CNGA1: variants seen among roughly 807,000 people sequenced by gnomAD.
CNGA1 encodes cyclic nucleotide-gated channel alpha-1.
In CNGA1, 53 loss-of-function variants were observed where a neutral mutation model predicts 69.7. The ratio of observed to expected loss-of-function variants is 0.76; its 90% confidence interval spans 0.61 to 0.96. CNGA1 has a LOEUF of 0.96. Ranked by LOEUF, CNGA1 falls within the 40% of genes least tolerant of loss-of-function variation. CNGA1 has a pLI of 0.00. For synonymous variants in CNGA1, 249 were observed against 283.5 expected (o/e 0.88, Z 1.22); for missense variants, 739 against 811.2 (o/e 0.91, Z 1.08).
In CNGA1 at chr4:47,936,886, C is replaced by G. The variant is rs1272357102; in HGVS notation, c.1596G>C (p.Val532=). 6.2e-7 allele frequency: 1 copy of G among 1,613,950 alleles called. No individual in the cohort carries two copies. The highest frequency in any genetic ancestry group is 8.5e-7 in the Non-Finnish European group (1 of 1,180,040). ...CGAAGTAGCTGCCATCGCTCAATAC[C>G]ACAAACTGAGTGACTCCATCATCTG... ...VVADDGVTQF[V]VLSDGSYFGE... The change falls in exon 11 of 11, where the codon GTG becomes GTC. Residue 532 remains valine (V), a synonymous_variant. Coordinates refer to ENST00000514170, the MANE Select transcript of CNGA1 (RefSeq NM_001379270.1).
intron 2 of CNGA1, among the ~76,000 whole-genome samples, chr4:47,993,764 G>T (rs778424599): frequency 6.6e-6 from 1 of 151,896 alleles, no homozygotes; most frequent in Non-Finnish European, 1.5e-5. Flanking sequence ...GTTCCTTGAG[G>T]TGTGACCTTA....
intron 2 of CNGA1, among the ~76,000 whole-genome samples, chr4:47,997,702 C>T (rs1507913): frequency 0.82 from 123,961 of 152,074 alleles, 51,032 homozygotes; most frequent in Non-Finnish European, 0.88. Context: ...TGAGTCATTA[C>T]AGATTGTAGT....
chr4:47,973,703 TA>T (rs200095836), intron 3 of CNGA1, among the ~76,000 whole-genome samples: 61 of 145,030 alleles, frequency 4.2e-4, no homozygotes, highest in Admixed American at 4.9e-4. Flanking sequence ...TCGGGATGTG[TA>T]AAAAAAAAAA....
chr4:47,955,173 C>CTT (rs377338639), intron 3 of CNGA1, among the ~76,000 whole-genome samples: 15 of 98,196 alleles, frequency 1.5e-4, no homozygotes, highest in Non-Finnish European at 2.3e-4. Flanking sequence ...TTTTTCTTTT[C>CTT]TTTTTTTTTT....
intron 2 of CNGA1, among the ~76,000 whole-genome samples, chr4:48,005,681 C>A (rs1389276987): frequency 6.6e-6 from 1 of 152,124 alleles, no homozygotes; most frequent in Non-Finnish European, 1.5e-5. Flanking sequence ...TACCACAGGT[C>A]AGGAACCCTG....
At chr4:47,950,955 A>C (rs1739702501) in intron 5 of CNGA1, among the ~76,000 whole-genome samples, 1 of 152,206 alleles carries the variant, frequency 6.6e-6, no homozygotes, top group Non-Finnish European at 1.5e-5. Flanking sequence ...GAAACAAGAA[A>C]TCAGAAAGGA....
intron 6 of CNGA1, 59 bp from the exon 7 acceptor site, chr4:47,943,471 T>C: frequency 9.1e-7 from 1 of 1,095,808 alleles, no homozygotes; most frequent in Non-Finnish European, 1.3e-6. Flanking sequence ...TTATTTACTT[T>C]CTTTTTCATT....
At chr4:47,967,172 G>A (rs941458684) in intron 3 of CNGA1, among the ~76,000 whole-genome samples, 5 of 152,122 alleles carry the variant, frequency 3.3e-5, no homozygotes, top group Admixed American at 6.5e-5. Flanking sequence ...GCATGGTGGC[G>A]AGCACCTGTA....
At chr4:48,010,692 A>G in intron 2 of CNGA1, 102 bp downstream of exon 2, 1 of 153,574 alleles carries the variant, frequency 6.5e-6, no homozygotes, top group Non-Finnish European at 1.4e-5. Context: ...CAGCTCGATT[A>G]GGATGAACCC....
At chr4:47,968,039 G>A (rs1740819224) in intron 3 of CNGA1, among the ~76,000 whole-genome samples, 1 of 152,106 alleles carries the variant, frequency 6.6e-6, no homozygotes, top group Admixed American at 6.6e-5. Context: ...TAGCACACAT[G>A]TACAATGCAC....
rs1738655838 is a variant in CNGA1, at chr4:47,936,591, C to A, written c.1891G>T (p.Asp631Tyr). ...CGGGCAAACCTGGTTTGCAGGAGGTCTACTGACCCCTCCATTCGAGTAACC... is the reference window on the plus strand; with the variant it reads ...CGGGCAAACCTGGTTTGCAGGAGGTATACTGACCCCTCCATTCGAGTAACC... ...EKVTRMEGSVDLLQTRFARIL... is the reference protein window; with the variant it reads ...EKVTRMEGSVYLLQTRFARIL... The change falls in exon 11 of 11, where the codon GAC (aspartate) becomes TAC (tyrosine). Residue 631 changes from aspartate to tyrosine, a missense_variant. Physicochemically the swap from Asp to Tyr is radical, Grantham distance 160. Coordinates refer to ENST00000514170, the MANE Select transcript of CNGA1 (RefSeq NM_001379270.1). 2 of 1,614,190 alleles carry A rather than the reference C, an allele frequency of 1.2e-6. No homozygotes were observed. The highest frequency in any genetic ancestry group is 2.2e-5 in the South Asian group (2 of 91,088).
chr4:48,016,461 T>G (rs1470432883), intron 1 of CNGA1, 22 bp downstream of exon 1: 2 of 292,776 alleles, frequency 6.8e-6, no homozygotes, highest in Admixed American at 5.4e-5. Context: ...CAGCCTCCAC[T>G]CCACTCAATT....
At chr4:47,942,777 C>T (rs1739171568) in intron 8 of CNGA1, 1 of 170,630 alleles carries the variant, frequency 5.9e-6, no homozygotes, top group Non-Finnish European at 1.2e-5. Context: ...CTAGGTTGCA[C>T]ACTCTTTATA....
At chr4:47,983,110 T>C (rs1344105626) in intron 2 of CNGA1, among the ~76,000 whole-genome samples, 1 of 151,968 alleles carries the variant, frequency 6.6e-6, no homozygotes, top group African/African-American at 2.4e-5. Context: ...AGCCTCAAAA[T>C]GAATATTCTT....
intron 5 of CNGA1, 29 bp from the exon 6 acceptor site, chr4:47,949,924 C>T (rs763316553): frequency 1.2e-6 from 2 of 1,604,590 alleles, no homozygotes; most frequent in Admixed American, 3.3e-5. Context: ...GCAGTGAAAT[C>T]ACAGTAGTCA....
At position 47,949,842 on chromosome 4, in the gene CNGA1, T is replaced by C. The variant is rs1055857820; in HGVS notation, c.278A>G (p.Asn93Ser). 8 of 1,614,032 alleles carry C rather than the reference T, an allele frequency of 5.0e-6. No individual in the cohort carries two copies. Among genetic ancestry groups the C allele is most frequent in the African/African-American group, 1.3e-5 (1 of 75,068 alleles). The change falls in exon 6 of 11, where the codon AAT becomes AGT. Residue 93 changes from asparagine to serine, a missense_variant. Physicochemically the swap from Asn to Ser is conservative, Grantham distance 46. Coordinates refer to ENST00000514170, the MANE Select transcript of CNGA1 (RefSeq NM_001379270.1). ...TTGTAAATATACTTACTGGTCCTTA[T>C]TGCTGCTGTTGTTCACATTAAAAAG... Reference protein sequence around the residue: ...IALFNVNNSSNKDQEPEEKKK... With the variant: ...IALFNVNNSSSKDQEPEEKKK...
intron 2 of CNGA1, among the ~76,000 whole-genome samples, chr4:48,002,700 C>A (rs73814645): frequency 0.039 from 3,790 of 98,016 alleles, 62 homozygotes; most frequent in Middle Eastern, 0.084. Context: ...AAAAAAAAAA[C>A]AAAAACAAAA....
At chr4:47,955,223 C>T (rs1337592092) in intron 3 of CNGA1, among the ~76,000 whole-genome samples, 1 of 127,170 alleles carries the variant, frequency 7.9e-6, no homozygotes, top group African/African-American at 3.1e-5. Flanking sequence ...CACTCTATCA[C>T]CTAGGCTGGA....
Position 47,948,371 on chromosome 4 carries a change from T to G in CNGA1, c.287+1462A>C, listed in dbSNP as rs867356162. Among the ~76,000 whole-genome samples, 28 of 152,286 alleles carry G rather than the reference T, an allele frequency of 1.8e-4. 1 individual carries two copies. Among genetic ancestry groups the G allele is most frequent in the South Asian group, 1.7e-3 (8 of 4,822 alleles). On this transcript the variant is annotated intron_variant, in intron 6 of 10. Transcript: ENST00000514170. ...GCCATCCTCTAGGATACTGTATATA[T>G]GCTAAAACAATGATCATTGTATGGT...
Sources: gnomAD v4.1 joint callset for allele counts (sites outside exome capture counted in the v4.1 genomes callset) on GRCh38, gnomAD v4.1.1 for gene constraint, MANE v1.5 for transcripts, NCBI Gene and HGNC (gene_info 2026-07-23, HGNC 2026-07-21) for gene names.